VTI1A: variants seen among roughly 807,000 people sequenced by gnomAD.
The protein encoded by VTI1A is vesicle transport through interaction with t-SNAREs 1A.
A neutral mutation model predicts 34.9 loss-of-function variants in VTI1A; 22 were observed. The observed-to-expected ratio is 0.63, with a 90% CI of 0.45 to 0.90. VTI1A has a LOEUF of 0.90. Ranked by LOEUF, VTI1A falls within the 40% of genes least tolerant of loss-of-function variation. VTI1A has a pLI of 0.00. For synonymous variants in VTI1A, 87 were observed against 97.3 expected (o/e 0.89, Z 0.62); for missense variants, 268 against 275.6 (o/e 0.97, Z 0.20).
intron 7 of VTI1A, among the ~76,000 whole-genome samples, chr10:112,805,007 T>C (rs1438027774): frequency 6.6e-6 from 1 of 151,462 alleles, no homozygotes; most frequent in Non-Finnish European, 1.5e-5. Context: ...GCTAAAGGTG[T>C]GCCCCACCAC....
chr10:112,724,493 T>A (rs1394936736), intron 7 of VTI1A, among the ~76,000 whole-genome samples: 1 of 151,914 alleles, frequency 6.6e-6, no homozygotes. Context: ...CCTGGAAGGC[T>A]CTATCTCCTC....
intron 3 of VTI1A, among the ~76,000 whole-genome samples, chr10:112,499,208 T>C (rs1031950902): frequency 1.3e-5 from 2 of 152,184 alleles, no homozygotes; most frequent in Admixed American, 1.3e-4. Context: ...TCTGAAACTT[T>C]TTTGCTAAAG....
chr10:112,651,236 T>C (rs1010090265), intron 5 of VTI1A, among the ~76,000 whole-genome samples: 2 of 152,228 alleles, frequency 1.3e-5, no homozygotes, highest in Non-Finnish European at 2.9e-5. Flanking sequence ...ATTTTAAATA[T>C]GACAAAATAG....
At chr10:112,561,127 GA>G (rs1851712543) in intron 5 of VTI1A, among the ~76,000 whole-genome samples, 1 of 152,106 alleles carries the variant, frequency 6.6e-6, no homozygotes. Flanking sequence ...TTATAATTAA[GA>G]AAAGTATACT....
intron 7 of VTI1A, among the ~76,000 whole-genome samples, chr10:112,730,967 ATAAT>A (rs1850234717): frequency 6.6e-6 from 1 of 152,182 alleles, no homozygotes; most frequent in African/African-American, 2.4e-5. Context: ...GAAATTATAT[ATAAT>A]TAGTCTGGGT....
chr10:112,625,636 G>T, intron 5 of VTI1A, among the ~76,000 whole-genome samples: 1 of 10,648 alleles, frequency 9.4e-5, no homozygotes, highest in African/African-American at 2.8e-3. Context: ...GTGAAACTCT[G>T]TCTCAAAAAA....
intron 3 of VTI1A, among the ~76,000 whole-genome samples, chr10:112,518,547 TTCTCTC>T (rs57853028): frequency 0.057 from 5,766 of 101,160 alleles, 146 homozygotes; most frequent in Middle Eastern, 0.1. Flanking sequence ...TCATATCTCT[TTCTCTC>T]TCTCTCTCTC....
the VTI1A span, among the ~76,000 whole-genome samples, chr10:112,838,007 T>C: frequency 6.6e-6 from 1 of 152,196 alleles, no homozygotes; most frequent in Non-Finnish European, 1.5e-5. Flanking sequence ...TTCTCCATTT[T>C]TGGATGGGAA....
chr10:112,533,420 A>C (rs762970585), intron 4 of VTI1A: 37 of 712,222 alleles, frequency 5.2e-5, no homozygotes, highest in Non-Finnish European at 5.7e-5. Context: ...AATGCTAAAC[A>C]TGTAAACAGA....
intron 5 of VTI1A, among the ~76,000 whole-genome samples, chr10:112,610,557 G>A (rs1413458267): frequency 6.6e-6 from 1 of 152,182 alleles, no homozygotes; most frequent in East Asian, 1.9e-4. Flanking sequence ...AAATAAATCT[G>A]TGTACATTTC....
At chr10:112,696,458 T>C (rs1170179969) in intron 7 of VTI1A, among the ~76,000 whole-genome samples, 1 of 152,236 alleles carries the variant, frequency 6.6e-6, no homozygotes, top group Admixed American at 6.5e-5. Flanking sequence ...TGTTTACTAT[T>C]GATGGAATAT....
chr10:112,603,663 A>G (rs1309525348), intron 5 of VTI1A, among the ~76,000 whole-genome samples: 1 of 152,088 alleles, frequency 6.6e-6, no homozygotes, highest in Non-Finnish European at 1.5e-5. Flanking sequence ...CTTGTATGGT[A>G]TGCTCACAGA....
At position 112,681,371 on chromosome 10, in the gene VTI1A, G is replaced by A. The variant is rs563629654; in HGVS notation, c.560+12373G>A. Among the ~76,000 whole-genome samples, 10 of 152,224 alleles carry A rather than the reference G, an allele frequency of 6.6e-5. 1 individual carries two copies. In the East Asian group the frequency reaches 1.4e-3, roughly 21 times the overall value. Reference sequence around the variant, plus strand: ...GCTGAGATTGCAAGCATGAACCACTGTGCCCAGCCAGGAGCCTTCAGCTTT... The same window carrying A: ...GCTGAGATTGCAAGCATGAACCACTATGCCCAGCCAGGAGCCTTCAGCTTT... On this transcript the variant is annotated intron_variant, in intron 7 of 7. Coordinates refer to ENST00000393077, the MANE Select transcript of VTI1A (RefSeq NM_145206.4).
At chr10:112,830,999 G>A in the VTI1A span, among the ~76,000 whole-genome samples, 27 of 150,800 alleles carry the variant, frequency 1.8e-4, no homozygotes, top group Non-Finnish European at 3.3e-4. Flanking sequence ...ACCGGCACGT[G>A]CCACCATGCC....
intron 5 of VTI1A, among the ~76,000 whole-genome samples, chr10:112,578,289 G>A (rs1256382091): frequency 2.0e-5 from 3 of 152,158 alleles, no homozygotes; most frequent in East Asian, 1.9e-4. Context: ...ATCAACAGAC[G>A]CAGCAATTTG....
chr10:112,735,912 C>T (rs893480908), intron 7 of VTI1A, among the ~76,000 whole-genome samples: 1 of 151,166 alleles, frequency 6.6e-6, no homozygotes, highest in Non-Finnish European at 1.5e-5. Flanking sequence ...CACAGAGACA[C>T]GGGGACAACG....
rs918457181 is a variant in VTI1A, at chr10:112,752,490, C to T, written c.561-62800C>T. On this transcript the variant is annotated intron_variant, in intron 7 of 7. Transcript: ENST00000393077. ...ACCCACTGCATTTCTGTTGCTCAAA[C>T]TTTTTGACCTTTGTGCTATTTGAGA... 5.1e-6 allele frequency: 5 copies of T among 985,310 alleles called. No homozygotes were observed. The African/African-American group carries it at 8.7e-5, about 17-fold the overall frequency. 61.0% of individuals were successfully genotyped at this position (985,310 alleles called of 1,614,324 possible).
chr10:112,737,420 C>A, intron 7 of VTI1A: 1 of 1,035,216 alleles, frequency 9.7e-7, no homozygotes, highest in Non-Finnish European at 1.2e-6. Flanking sequence ...TAAAAAATGA[C>A]AAAAATGAAC....
chr10:112,842,401 A>G, the VTI1A span, among the ~76,000 whole-genome samples: 2 of 152,180 alleles, frequency 1.3e-5, no homozygotes, highest in African/African-American at 4.8e-5. Context: ...CCAGCCTGCC[A>G]TGGGACACAT....
Sources: allele counts gnomAD v4.1 joint callset (sites outside exome capture counted in the v4.1 genomes callset), GRCh38; gene constraint gnomAD v4.1.1; transcripts MANE v1.5; gene names NCBI Gene and HGNC (gene_info 2026-07-23, HGNC 2026-07-21).